IL1RL2: variants seen among roughly 807,000 people sequenced by gnomAD.
The protein encoded by IL1RL2 is interleukin 1 receptor like 2.
Under a neutral mutation model 66.8 loss-of-function variants are expected in IL1RL2, and 68 were observed. The observed-to-expected ratio is 1.02, with a 90% CI of 0.84 to 1.25. The LOEUF is 1.25. IL1RL2 is among the 50% of genes most tolerant of loss of function. The pLI is 0.00. For synonymous variants in IL1RL2, 305 were observed against 264.6 expected (o/e 1.15, Z -1.48); for missense variants, 729 against 709.3 (o/e 1.03, Z -0.32).
intron 6 of IL1RL2, among the ~76,000 whole-genome samples, chr2:102,214,743 A>G (rs1445509853): frequency 2.0e-5 from 3 of 152,202 alleles, no homozygotes; most frequent in Admixed American, 2.0e-4. Flanking sequence ...AAAATTGAAT[A>G]GAAGAAAAAA....
chr2:102,216,475 G>A (rs1689624005), intron 6 of IL1RL2, among the ~76,000 whole-genome samples: 1 of 152,082 alleles, frequency 6.6e-6, no homozygotes. Context: ...GAGTAAGTGA[G>A]TCTCTTTTAG....
rs546218669 is a variant in IL1RL2 at position 102,231,946 on chromosome 2, G to A, written c.1136-1017G>A. On this transcript the variant is annotated intron_variant, in intron 9 of 11. Coordinates refer to ENST00000264257, the MANE Select transcript of IL1RL2 (RefSeq NM_003854.4). ...CCTGGTGCAGTTAGGACAGTGCTTCGTCATACAGGACACGCTGAGGGTAAC... is the reference window on the plus strand; with the variant it reads ...CCTGGTGCAGTTAGGACAGTGCTTCATCATACAGGACACGCTGAGGGTAAC... Among the ~76,000 whole-genome samples the A allele has an allele frequency of 1.2e-4, 19 of 152,252 alleles. No homozygotes were observed. The South Asian group carries it at 3.5e-3, about 28-fold the overall frequency.
chr2:102,187,792 C>A (rs1686817949), intron 1 of IL1RL2, 64 bp from the exon 2 acceptor site: 3 of 1,413,234 alleles, frequency 2.1e-6, no homozygotes, highest in Non-Finnish European at 3.0e-6. Context: ...AGGTCGCCCA[C>A]GCCGGCGCCT....
downstream of IL1RL2, among the ~76,000 whole-genome samples, chr2:102,242,948 G>A (rs538445501): frequency 4.6e-5 from 7 of 152,322 alleles, no homozygotes; most frequent in Admixed American, 2.0e-4. Flanking sequence ...ATCATTTGAT[G>A]CATTCTTCCA....
At chr2:102,220,134 G>A (rs1689974526) in intron 8 of IL1RL2, 117 bp downstream of exon 8, 2 of 866,168 alleles carry the variant, frequency 2.3e-6, no homozygotes, top group Non-Finnish European at 3.2e-6. Flanking sequence ...GATATTAAAG[G>A]GACAAACTCA....
chr2:102,241,114 T>A (rs1187388076), downstream of IL1RL2, among the ~76,000 whole-genome samples: 2 of 152,260 alleles, frequency 1.3e-5, no homozygotes, highest in African/African-American at 4.8e-5. Context: ...TGGGCGGGCA[T>A]CCCGGGGTGC....
intron 5 of IL1RL2, among the ~76,000 whole-genome samples, chr2:102,211,603 T>C (rs1038274344): frequency 1.3e-5 from 2 of 152,164 alleles, no homozygotes; most frequent in Non-Finnish European, 2.9e-5. Flanking sequence ...AAAAACATGA[T>C]ATGTATTTTT....
At chr2:102,235,786 G>C in intron 11 of IL1RL2, 2 of 985,388 alleles carry the variant, frequency 2.0e-6, no homozygotes, top group Non-Finnish European at 2.4e-6. Context: ...CTGTGTCTGC[G>C]TCTCTCTCAC....
chr2:102,230,678 A>T (rs1180367759), intron 9 of IL1RL2, among the ~76,000 whole-genome samples: 1 of 152,208 alleles, frequency 6.6e-6, no homozygotes, highest in Non-Finnish European at 1.5e-5. Flanking sequence ...GGGGAGGCAG[A>T]CAAGGAGTGT....
At chr2:102,235,992 G>A (rs1674845606) in intron 11 of IL1RL2, 1 of 961,088 alleles carries the variant, frequency 1.0e-6, no homozygotes, top group African/African-American at 1.8e-5. Flanking sequence ...TTAGACACAT[G>A]TCAACCAGAA....
chr2:102,228,200 T>A (rs983703134), intron 9 of IL1RL2, among the ~76,000 whole-genome samples: 1 of 152,230 alleles, frequency 6.6e-6, no homozygotes. Context: ...CCCTGTAATA[T>A]CTCTGTGTGT....
At chr2:102,240,505 A>T (rs1422820208), downstream of IL1RL2, among the ~76,000 whole-genome samples, 1 of 151,726 alleles carries the variant, frequency 6.6e-6, no homozygotes, top group East Asian at 1.9e-4. Context: ...TAATTTAGTA[A>T]GCAACTCAGT....
chr2:102,233,204 G>A, intron 10 of IL1RL2, 80 bp downstream of exon 10: 1 of 1,369,584 alleles, frequency 7.3e-7, no homozygotes, highest in South Asian at 1.3e-5. Flanking sequence ...ACTAATGGCG[G>A]TGACTCTGCC....
chr2:102,242,578 G>A (rs1490336067), downstream of IL1RL2, among the ~76,000 whole-genome samples: 2 of 152,166 alleles, frequency 1.3e-5, no homozygotes, highest in Non-Finnish European at 2.9e-5. Flanking sequence ...AGTGAGTGAG[G>A]CAGATCTTGA....
chr2:102,234,914 G>A lies in IL1RL2; in HGVS notation c.1315G>A (p.Asp439Asn), dbSNP rs903302855. Reference protein sequence around the residue: ...FPGQAVANVIDENVKLCRRLI... With the variant: ...FPGQAVANVINENVKLCRRLI... The stretch of plus-strand genomic sequence containing the variant: ...ATTTCCAGCCGTGGCCAATGTCATC[G>A]ATGAAAACGTTAAGCTGTGCAGGAG... Residue 439 changes from aspartate (D) to asparagine (N), a missense_variant, in exon 11 of 12, where the codon GAT (aspartate) becomes AAT (asparagine). Asp to Asn is a conservative substitution (Grantham distance 23, BLOSUM62 1). Coordinates refer to ENST00000264257, the MANE Select transcript of IL1RL2 (RefSeq NM_003854.4). 1.7e-5 allele frequency: 27 copies of A among 1,611,542 alleles called. No individual in the cohort carries two copies. The highest frequency in any genetic ancestry group is 4.5e-5 in the East Asian group (2 of 44,810).
downstream of IL1RL2, among the ~76,000 whole-genome samples, chr2:102,240,583 A>G (rs1437921953): frequency 6.6e-6 from 1 of 151,998 alleles, no homozygotes; most frequent in Non-Finnish European, 1.5e-5. Context: ...GTCTAGCTCA[A>G]TTTTTCAAAA....
chr2:102,198,939 A>G (rs1179564730), intron 4 of IL1RL2, among the ~76,000 whole-genome samples: 1 of 151,784 alleles, frequency 6.6e-6, no homozygotes, highest in African/African-American at 2.4e-5. Flanking sequence ...CCCACCACTC[A>G]CCCCATGCAC....
chr2:102,232,852 G>A, intron 9 of IL1RL2, 111 bp from the exon 10 acceptor site: 2 of 1,251,618 alleles, frequency 1.6e-6, no homozygotes, highest in East Asian at 4.8e-5. Context: ...GCACTCAGAA[G>A]TCATGGAACC....
At chr2:102,222,780 G>A (rs1001022521) in intron 8 of IL1RL2, among the ~76,000 whole-genome samples, 3 of 152,270 alleles carry the variant, frequency 2.0e-5, no homozygotes, top group African/African-American at 4.8e-5. Flanking sequence ...ATGCAGCCTC[G>A]CTTAGGCCAG....
Sources: allele counts gnomAD v4.1 joint callset (sites outside exome capture counted in the v4.1 genomes callset), GRCh38; gene constraint gnomAD v4.1.1; transcripts MANE v1.5; gene names NCBI Gene and HGNC (gene_info 2026-07-23, HGNC 2026-07-21).